The following POU6F2 variants were observed in gnomAD, a reference collection of about 807,000 sequenced individuals.
The protein encoded by POU6F2 is POU class 6 homeobox 2.
POU6F2 carries 31 observed loss-of-function variants against 71.3 expected under a neutral mutation model. The ratio of observed to expected loss-of-function variants is 0.43; its 90% CI spans 0.33 to 0.59. POU6F2 has a LOEUF of 0.59. Ranked by LOEUF, POU6F2 falls within the 20% of genes least tolerant of loss-of-function variation. The probability of loss-of-function intolerance (pLI) is 0.04; values close to 1 mark genes in which losing one functional copy is unlikely to be tolerated. For synonymous variants in POU6F2, 347 were observed against 355.7 expected, an observed-to-expected ratio of 0.98 and a Z score of 0.27; for missense variants, 783 against 856.8, an observed-to-expected ratio of 0.91 and a Z score of 1.07.
chr7:39,180,132 A>G (rs550369690), intron 2 of POU6F2, among the ~76,000 whole-genome samples: 1 of 152,212 alleles, frequency 6.6e-6, no homozygotes, highest in South Asian at 2.1e-4. Flanking sequence ...ATTGGCTGTT[A>G]TTCCAATGTA....
chr7:39,435,271 C>A (rs1169969708), intron 7 of POU6F2, among the ~76,000 whole-genome samples: 2 of 152,122 alleles, frequency 1.3e-5, no homozygotes, highest in Non-Finnish European at 2.9e-5. Context: ...ATGTTCCTAT[C>A]TCTCCACAGC....
chr7:39,427,757 T>C (rs916309176), intron 6 of POU6F2, among the ~76,000 whole-genome samples: 7 of 152,226 alleles, frequency 4.6e-5, no homozygotes, highest in South Asian at 2.1e-4. Flanking sequence ...TTCTTACGTA[T>C]ATGGGCAACA....
chr7:39,104,976 T>G lies in POU6F2; in HGVS notation c.277+18945T>G, dbSNP rs1791649207. Among the ~76,000 whole-genome samples, 3 of 152,322 alleles carry G rather than the reference T, an allele frequency of 2.0e-5. 1 individual carries two copies. The South Asian group carries it at 6.2e-4, about 32-fold the overall frequency. On this transcript the variant is annotated intron_variant, in intron 2 of 9. Coordinates refer to ENST00000518318, the MANE Select transcript of POU6F2 (RefSeq NM_001370959.1). ...TGTGCATGTTTAGTTCTCCTGAAGG[T>G]TACCTTTTTTATCACTTTTATTTTC...
chr7:39,389,291 T>C (rs1229858929), intron 5 of POU6F2, among the ~76,000 whole-genome samples: 1 of 152,222 alleles, frequency 6.6e-6, no homozygotes, highest in African/African-American at 2.4e-5. Flanking sequence ...CTGACATGCT[T>C]CAAAACAATC....
At chr7:39,251,103 G>C (rs868569726) in intron 4 of POU6F2, among the ~76,000 whole-genome samples, 9 of 152,112 alleles carry the variant, frequency 5.9e-5, no homozygotes, top group African/African-American at 1.9e-4. Context: ...ATCTAAACAC[G>C]ATTTGGTTTA....
chr7:38,995,760 T>C (rs1301855802), intron 1 of POU6F2, among the ~76,000 whole-genome samples: 1 of 152,228 alleles, frequency 6.6e-6, no homozygotes, highest in African/African-American at 2.4e-5. Context: ...GCAAGAGTTA[T>C]AAAAATCACT....
chr7:39,043,054 G>C (rs1291979848), intron 1 of POU6F2, among the ~76,000 whole-genome samples: 1 of 151,924 alleles, frequency 6.6e-6, no homozygotes, highest in African/African-American at 2.4e-5. Flanking sequence ...TCCCAGAAAG[G>C]ATAATGGGGG....
intron 6 of POU6F2, among the ~76,000 whole-genome samples, chr7:39,411,674 T>C (rs1787553562): frequency 6.6e-6 from 1 of 152,184 alleles, no homozygotes; most frequent in Non-Finnish European, 1.5e-5. Context: ...TTGGAAGGAT[T>C]TTCTGGATCT....
chr7:39,392,006 C>T (rs1189985987), intron 5 of POU6F2, among the ~76,000 whole-genome samples: 1 of 152,120 alleles, frequency 6.6e-6, no homozygotes, highest in Non-Finnish European at 1.5e-5. Context: ...AATGAACAGC[C>T]CAGTTGTTTT....
intron 5 of POU6F2, among the ~76,000 whole-genome samples, chr7:39,359,621 G>T (rs1223484312): frequency 6.6e-6 from 1 of 152,154 alleles, no homozygotes; most frequent in Non-Finnish European, 1.5e-5. Flanking sequence ...CTGGAGGAAT[G>T]AAGTCTCGTT....
intron 6 of POU6F2, among the ~76,000 whole-genome samples, chr7:39,419,395 C>A (rs890081574): frequency 6.6e-6 from 1 of 151,604 alleles, no homozygotes; most frequent in East Asian, 1.9e-4. Flanking sequence ...CGCACCATCA[C>A]GGCCCACTAA....
At chr7:39,099,374 T>C (rs901777202) in intron 2 of POU6F2, among the ~76,000 whole-genome samples, 2 of 152,166 alleles carry the variant, frequency 1.3e-5, no homozygotes, top group African/African-American at 4.8e-5. Flanking sequence ...GCATCCGCTG[T>C]CCCTCCCTCC....
intron 1 of POU6F2, among the ~76,000 whole-genome samples, chr7:38,980,837 G>A (rs559205882): frequency 5.8e-4 from 88 of 152,106 alleles, no homozygotes; most frequent in Admixed American, 9.2e-4. Flanking sequence ...TCACTCCTAG[G>A]ATGAAATATC....
chr7:39,219,509 G>T (rs770799388), intron 4 of POU6F2, among the ~76,000 whole-genome samples: 9 of 152,114 alleles, frequency 5.9e-5, no homozygotes, highest in Non-Finnish European at 1.2e-4. Flanking sequence ...TTTAGATCTG[G>T]TGCTATAGGG....
chr7:39,380,410 A>G (rs1463988794), intron 5 of POU6F2, among the ~76,000 whole-genome samples: 1 of 152,210 alleles, frequency 6.6e-6, no homozygotes, highest in Non-Finnish European at 1.5e-5. Context: ...ATATTATTAC[A>G]TGTATAAAAA....
intron 5 of POU6F2, among the ~76,000 whole-genome samples, chr7:39,382,968 G>A (rs1051770053): frequency 6.6e-6 from 1 of 152,140 alleles, no homozygotes; most frequent in Non-Finnish European, 1.5e-5. Flanking sequence ...GGTGTGGAAA[G>A]GTAATGAATA....
rs1308524541 is a variant in POU6F2 at position 39,241,277 on chromosome 7, G to C, written c.598+33657G>C. Among the ~76,000 whole-genome samples the C allele has an allele frequency of 9.9e-5, 15 of 152,132 alleles. 1 individual carries two copies. The highest frequency in any genetic ancestry group is 9.8e-4 in the Admixed American group (15 of 15,256). On this transcript the variant is annotated intron_variant, in intron 4 of 9. Coordinates refer to ENST00000518318, the MANE Select transcript of POU6F2 (RefSeq NM_001370959.1). ...GAGGAATAGATTTACATAATCAATGGAGAGTGATTGCTCCAGAATTAAATA... is the reference window on the plus strand; with the variant it reads ...GAGGAATAGATTTACATAATCAATGCAGAGTGATTGCTCCAGAATTAAATA...
chr7:39,212,756 T>A (rs187676889), intron 4 of POU6F2, among the ~76,000 whole-genome samples: 52 of 152,378 alleles, frequency 3.4e-4, no homozygotes, highest in Non-Finnish European at 6.8e-4. Context: ...AGTCAGTGTC[T>A]TCCCTTTTAC....
At chr7:38,991,559 T>C (rs1471242430) in intron 1 of POU6F2, among the ~76,000 whole-genome samples, 2 of 152,164 alleles carry the variant, frequency 1.3e-5, no homozygotes, top group African/African-American at 2.4e-5. Context: ...AATGTCATAC[T>C]CTTGTCATGC....
Sources: gnomAD v4.1 joint callset for allele counts (sites outside exome capture counted in the v4.1 genomes callset) on GRCh38, gnomAD v4.1.1 for gene constraint, MANE v1.5 for transcripts, NCBI Gene and HGNC (gene_info 2026-07-23, HGNC 2026-07-21) for gene names.